The following RFC3 variants were observed in gnomAD, a reference collection of about 807,000 sequenced individuals.
The protein encoded by RFC3 is replication factor C subunit 3, also known as A1 38 kDa subunit.
Under a neutral mutation model 45.1 loss-of-function variants are expected in RFC3, and 41 were observed. That is an observed-to-expected ratio of 0.91 (90% CI 0.71 to 1.18). RFC3 has a LOEUF of 1.18. Among genes scored for constraint, RFC3 ranks in the 50% most tolerant of loss-of-function variants. The pLI is 0.00. For missense variants in RFC3, 423 were observed against 428.1 expected (o/e 0.99, Z 0.10); for synonymous variants, 149 against 144.0 (o/e 1.03, Z -0.25).
At chr13:33,846,390 C>T (rs1396561729) in intron 8 of RFC3, 1 of 152,306 alleles carries the variant, frequency 6.6e-6, no homozygotes, top group Non-Finnish European at 1.5e-5. Flanking sequence ...GGTGTGTCTA[C>T]AAAGGTCATC....
intron 8 of RFC3, among the ~76,000 whole-genome samples, chr13:33,865,590 A>G (rs1190909747): frequency 2.0e-5 from 3 of 152,240 alleles, no homozygotes; most frequent in African/African-American, 7.2e-5. Context: ...GTATTTATCA[A>G]TCAATCAATC....
intron 8 of RFC3, among the ~76,000 whole-genome samples, chr13:33,940,976 G>T (rs1051833930): frequency 2.0e-5 from 3 of 152,230 alleles, no homozygotes; most frequent in Non-Finnish European, 4.4e-5. Flanking sequence ...TGGGTCCCCA[G>T]AGAATCTCCG....
At chr13:33,927,720 T>C (rs750673300) in intron 8 of RFC3, among the ~76,000 whole-genome samples, 1 of 152,094 alleles carries the variant, frequency 6.6e-6, no homozygotes, top group Non-Finnish European at 1.5e-5. Context: ...GCTGCAACTC[T>C]TGTAAATTCA....
intron 8 of RFC3, among the ~76,000 whole-genome samples, chr13:33,931,176 T>G (rs566768693): frequency 6.6e-6 from 1 of 152,064 alleles, no homozygotes; most frequent in Admixed American, 6.6e-5. Context: ...CAGATCAAAA[T>G]AGAATTTTCA....
chr13:33,928,297 G>A (rs776269637), intron 8 of RFC3, among the ~76,000 whole-genome samples: 1 of 151,990 alleles, frequency 6.6e-6, no homozygotes, highest in Non-Finnish European at 1.5e-5. Flanking sequence ...CAAGTACTAC[G>A]CAAAAATAGG....
intron 8 of RFC3, among the ~76,000 whole-genome samples, chr13:33,917,125 T>G (rs1266790460): frequency 2.0e-5 from 3 of 152,070 alleles, no homozygotes; most frequent in African/African-American, 7.2e-5. Flanking sequence ...TTGCAAGACA[T>G]CCAGGATCCA....
intron 8 of RFC3, among the ~76,000 whole-genome samples, chr13:33,963,618 G>C (rs2083070766): frequency 6.6e-6 from 1 of 152,138 alleles, no homozygotes; most frequent in East Asian, 1.9e-4. Flanking sequence ...ATAGAGCAGT[G>C]TGCATTTACT....
intron 8 of RFC3, among the ~76,000 whole-genome samples, chr13:33,856,020 A>G (rs940195926): frequency 2.0e-5 from 3 of 152,138 alleles, no homozygotes; most frequent in South Asian, 2.1e-4. Flanking sequence ...TGCTTTTAGC[A>G]TCTTTGCCAT....
At chr13:33,917,050 T>C (rs2082738111) in intron 8 of RFC3, among the ~76,000 whole-genome samples, 1 of 152,154 alleles carries the variant, frequency 6.6e-6, no homozygotes, top group Non-Finnish European at 1.5e-5. Flanking sequence ...ACTTTAAAAC[T>C]CAGAAAAGAA....
intron 7 of RFC3, among the ~76,000 whole-genome samples, chr13:33,833,155 G>A (rs867430850): frequency 6.6e-6 from 1 of 152,002 alleles, no homozygotes; most frequent in African/African-American, 2.4e-5. Context: ...CTGATCACTG[G>A]GCTACACAAT....
In RFC3 at chr13:33,836,370, T is replaced by C; in HGVS notation, c.*75T>C. 8 of 1,546,914 alleles carry C rather than the reference T, an allele frequency of 5.2e-6. No individual in the cohort carries two copies. The highest frequency in any genetic ancestry group is 1.2e-5 in the South Asian group (1 of 82,180). ...CAGCTTATATTAAAAGAGCTGTGGG[T>C]AAATTAACTGAACTTAATCATGTCG... On this transcript the variant is annotated 3_prime_UTR_variant, in exon 9 of 9. Coordinates refer to ENST00000380071, the MANE Select transcript of RFC3 (RefSeq NM_002915.4).
At chr13:33,901,013 A>G (rs2082637881) in intron 8 of RFC3, among the ~76,000 whole-genome samples, 1 of 151,954 alleles carries the variant, frequency 6.6e-6, no homozygotes, top group South Asian at 2.1e-4. Flanking sequence ...CACTTCAATT[A>G]AAATGAATTT....
chr13:33,901,861 CAA>C lies in RFC3; in HGVS notation c.880-64223_880-64222del, dbSNP rs998011165. Among the ~76,000 whole-genome samples the C allele has an allele frequency of 4.6e-5, 7 of 151,924 alleles. No individual in the cohort carries two copies. The East Asian group carries it at 1.2e-3, about 25-fold the overall frequency. On this transcript the variant is annotated intron_variant, in intron 8 of 8. Coordinates refer to the RFC3 transcript ENST00000434425. ...TAAAAATAAACAAGAAACAAAAAAACAAAATCTCATGATCAGACTCTTTGCAG... is the reference window on the plus strand; with the variant it reads ...TAAAAATAAACAAGAAACAAAAAAACAATCTCATGATCAGACTCTTTGCAG...
At chr13:33,824,791 C>T (rs1483613243) in intron 3 of RFC3, among the ~76,000 whole-genome samples, 3 of 152,104 alleles carry the variant, frequency 2.0e-5, no homozygotes, top group African/African-American at 7.2e-5. Flanking sequence ...ATCCTTAAAA[C>T]AACCCTAACA....
Position 33,917,342 on chromosome 13 carries a change from G to C in RFC3, c.880-48745G>C, listed in dbSNP as rs144903128. On this transcript the variant is annotated intron_variant, in intron 8 of 8. Coordinates refer to the RFC3 transcript ENST00000434425. The stretch of plus-strand genomic sequence containing the variant: ...GCCTTAGCTTCCAGAAAGATAATCC[G>C]AGGCATGGAAAGGATGGTTAGTCTG... Among the ~76,000 whole-genome samples the C allele has an allele frequency of 5.4e-3, 815 of 152,164 alleles. 2 individuals carry two copies. Among genetic ancestry groups the C allele is most frequent in the Middle Eastern group, 0.014 (4 of 294 alleles).
At chr13:33,869,232 T>C (rs6562150) in intron 8 of RFC3, among the ~76,000 whole-genome samples, 124,284 of 151,756 alleles carry the variant, frequency 0.82, 52,144 homozygotes, top group Non-Finnish European at 0.93. Flanking sequence ...AATATCCTTT[T>C]GGCAAATGCC....
intron 8 of RFC3, among the ~76,000 whole-genome samples, chr13:33,937,906 T>C (rs1393915083): frequency 6.6e-6 from 1 of 152,132 alleles, no homozygotes; most frequent in African/African-American, 2.4e-5. Flanking sequence ...GCTCTCCTAG[T>C]GTCTCAGCTC....
chr13:33,899,390 A>C (rs34646676), intron 8 of RFC3, among the ~76,000 whole-genome samples: 1 of 151,798 alleles, frequency 6.6e-6, no homozygotes, highest in Admixed American at 6.6e-5. Context: ...TACGCAAATC[A>C]GTAAATGTGA....
chr13:33,870,698 T>C (rs1445313751), intron 8 of RFC3, among the ~76,000 whole-genome samples: 1 of 152,182 alleles, frequency 6.6e-6, no homozygotes, highest in Non-Finnish European at 1.5e-5. Context: ...CTAAGGTCTT[T>C]CTCTAAAATA....
Sources: gnomAD v4.1 joint callset for allele counts (sites outside exome capture counted in the v4.1 genomes callset) on GRCh38, gnomAD v4.1.1 for gene constraint, MANE v1.5 for transcripts, NCBI Gene and HGNC (gene_info 2026-07-23, HGNC 2026-07-21) for gene names.